Variants in PLA2G2C observed in about 807,000 individuals in gnomAD.
PLA2G2C encodes phospholipase A2 group IIC.
In PLA2G2C, 15 loss-of-function variants were observed where a neutral mutation model predicts 14.3. That is an observed-to-expected ratio of 1.05 (90% CI 0.70 to 1.62). The LOEUF (loss-of-function observed/expected upper bound fraction) is 1.62. PLA2G2C is among the 40% of genes most tolerant of loss of function. The pLI, the probability that PLA2G2C is intolerant of heterozygous loss-of-function variation, is 0.00. For synonymous variants in PLA2G2C, 79 were observed against 67.7 expected, an observed-to-expected ratio of 1.17 and a Z score of -0.82; for missense variants, 162 against 173.2, an observed-to-expected ratio of 0.94 and a Z score of 0.36.
Position 20,164,209 on chromosome 1 carries a change from G to A in PLA2G2C, c.284-52C>T, listed in dbSNP as rs1334985139. 8 of 1,566,606 alleles carry A rather than the reference G, an allele frequency of 5.1e-6. No homozygotes were observed. In the Admixed American group the frequency reaches 1.5e-4, roughly 29 times the overall value. Reference sequence around the variant, plus strand: ...GGCTCCCAGCCCAGCCCCAGGGTTTGGTTCTAAGGCTGGGGAGAACTGGGA... The same window carrying A: ...GGCTCCCAGCCCAGCCCCAGGGTTTAGTTCTAAGGCTGGGGAGAACTGGGA... On this transcript the variant is annotated intron_variant, in intron 4 of 4. Coordinates refer to ENST00000679259, the MANE Select transcript of PLA2G2C (RefSeq NM_001367969.2).
intron 4 of PLA2G2C, among the ~76,000 whole-genome samples, chr1:20,170,993 G>A (rs1206595415): frequency 7.1e-6 from 1 of 141,566 alleles, no homozygotes; most frequent in Admixed American, 6.9e-5. Flanking sequence ...TGGGCTGGGA[G>A]GGTGAAGAGC....
intron 4 of PLA2G2C, among the ~76,000 whole-genome samples, chr1:20,168,165 C>T (rs1049067968): frequency 3.9e-5 from 6 of 152,244 alleles, no homozygotes; most frequent in Non-Finnish European, 7.3e-5. Context: ...AAATATGCTG[C>T]TTCTGTGCTT....
intron 4 of PLA2G2C, among the ~76,000 whole-genome samples, chr1:20,164,552 G>A (rs573547597): frequency 6.6e-6 from 1 of 152,342 alleles, no homozygotes; most frequent in South Asian, 2.1e-4. Flanking sequence ...GGCGTGGGCT[G>A]CGTGGAGGGC....
chr1:20,172,636 C>G (rs913614433), intron 4 of PLA2G2C, among the ~76,000 whole-genome samples, 158 bp downstream of exon 4: 3 of 152,156 alleles, frequency 2.0e-5, no homozygotes, highest in African/African-American at 7.2e-5. Flanking sequence ...CACGGACACT[C>G]TGAGAAGCTC....
chr1:20,173,544 A>T (rs1314123104), intron 3 of PLA2G2C, among the ~76,000 whole-genome samples: 3 of 152,170 alleles, frequency 2.0e-5, no homozygotes, highest in Non-Finnish European at 2.9e-5. Context: ...CATTCATTTA[A>T]CACTTTTTAC....
At chr1:20,175,256 C>A in intron 2 of PLA2G2C, 111 bp from the exon 3 acceptor site, 2 of 1,513,778 alleles carry the variant, frequency 1.3e-6, no homozygotes, top group Non-Finnish European at 9.0e-7. Flanking sequence ...ATCACCAGAT[C>A]CCCAAAGCGA....
At chr1:20,171,811 G>C (rs1213289433) in intron 4 of PLA2G2C, among the ~76,000 whole-genome samples, 4 of 147,586 alleles carry the variant, frequency 2.7e-5, no homozygotes, top group Non-Finnish European at 6.0e-5. Context: ...GCCCAGGCGG[G>C]AGTGCAGTGG....
chr1:20,181,910 T>C (rs1569939897), intron 1 of PLA2G2C, among the ~76,000 whole-genome samples: 1 of 152,116 alleles, frequency 6.6e-6, no homozygotes, highest in African/African-American at 2.4e-5. Context: ...GGGGCCTATG[T>C]CAAAGAAGAG....
chr1:20,171,758 CTTTTTTTTTTT>C (rs10710359), intron 4 of PLA2G2C, among the ~76,000 whole-genome samples: 3 of 121,524 alleles, frequency 2.5e-5, no homozygotes, highest in East Asian at 2.8e-4. Context: ...GCCACTTCTT[CTTTTTTTTTTT>C]TTTTTTTTTT....
At chr1:20,164,365 C>T (rs960026304) in intron 4 of PLA2G2C, among the ~76,000 whole-genome samples, 2 of 151,958 alleles carry the variant, frequency 1.3e-5, no homozygotes, top group African/African-American at 2.4e-5. Flanking sequence ...TGTGCATCTG[C>T]GTGCATTTGT....
intron 4 of PLA2G2C, among the ~76,000 whole-genome samples, chr1:20,166,063 C>T (rs2017973127): frequency 6.6e-6 from 1 of 152,228 alleles, no homozygotes; most frequent in African/African-American, 2.4e-5. Context: ...CTGGTGTCTA[C>T]CGACAAGTGG....
At position 20,172,812 on chromosome 1, in the gene PLA2G2C, C is replaced by G. The variant is rs374046576; in HGVS notation, c.265G>C (p.Val89Leu). 1.2e-6 allele frequency: 2 copies of G among 1,613,556 alleles called. No homozygotes were observed. Among genetic ancestry groups the G allele is most frequent in the Admixed American group, 1.7e-5 (1 of 59,984 alleles). The change falls in exon 4 of 5, where the codon GTC becomes CTC. Residue 89 changes from valine to leucine, a missense_variant. Coordinates refer to ENST00000679259, the MANE Select transcript of PLA2G2C (RefSeq NM_001367969.2). ...TACTCACAAACCACTGCGCCATTGACGATGTGGAACTGGTAGCTGTTCAAC... is the reference window on the plus strand; with the variant it reads ...TACTCACAAACCACTGCGCCATTGAGGATGTGGAACTGGTAGCTGTTCAAC... ...PVLNSYQFHI[V>L]NGAVVCGCTL... is the part of the protein sequence containing the mutation.
At chr1:20,178,292 T>C (rs1015878209) in intron 1 of PLA2G2C, among the ~76,000 whole-genome samples, 1 of 152,156 alleles carries the variant, frequency 6.6e-6, no homozygotes, top group African/African-American at 2.4e-5. Context: ...GCCCCCATCA[T>C]AAATCAGGCT....
chr1:20,164,164 A>G lies in PLA2G2C; in HGVS notation c.284-7T>C. ...GGACCAAGGGTGCATCCACCTACAG[A>G]GACACAGAGGGTCACTGGGGGCTCC... On this transcript the variant is annotated splice_region_variant and splice_polypyrimidine_tract_variant and intron_variant, in intron 4 of 4. Coordinates refer to ENST00000679259, the MANE Select transcript of PLA2G2C (RefSeq NM_001367969.2). The G allele has an allele frequency of 6.2e-7, 1 of 1,610,222 alleles. No individual in the cohort carries two copies.
chr1:20,170,984 G>A (rs1484670327), intron 4 of PLA2G2C, among the ~76,000 whole-genome samples: 1 of 141,602 alleles, frequency 7.1e-6, no homozygotes, highest in African/African-American at 2.7e-5. Context: ...CTGGGGTCCT[G>A]GGCTGGGAGG....
At chr1:20,170,129 G>A (rs2018045540) in intron 4 of PLA2G2C, among the ~76,000 whole-genome samples, 1 of 152,218 alleles carries the variant, frequency 6.6e-6, no homozygotes, top group Non-Finnish European at 1.5e-5. Flanking sequence ...GCTCACCTCA[G>A]TGGTTTATCA....
intron 3 of PLA2G2C, among the ~76,000 whole-genome samples, chr1:20,174,087 C>G (rs536101500): frequency 6.6e-6 from 1 of 152,264 alleles, no homozygotes; most frequent in African/African-American, 2.4e-5. Flanking sequence ...GTTTGTATGC[C>G]AATCGCCAGT....
Position 20,163,846 on chromosome 1 carries a change from C to T in PLA2G2C, c.*145G>A. The T allele has an allele frequency of 3.3e-6, 3 of 916,486 alleles. No individual in the cohort carries two copies. Among genetic ancestry groups the T allele is most frequent in the Non-Finnish European group, 4.8e-6 (3 of 627,132 alleles). 56.8% of individuals were successfully genotyped at this position (916,486 alleles called of 1,614,324 possible). A position where few individuals can be genotyped will look rare whatever the true frequency, so the allele number is the denominator to read the frequency against. Reference sequence around the variant, plus strand: ...ACAGGGAGTCCCCTTGGTCAGAATGCTGAAGGGTGAGCTGCCCTGCGGGAG... The same window carrying T: ...ACAGGGAGTCCCCTTGGTCAGAATGTTGAAGGGTGAGCTGCCCTGCGGGAG... On this transcript the variant is annotated 3_prime_UTR_variant, in exon 5 of 5. Coordinates refer to ENST00000679259, the MANE Select transcript of PLA2G2C (RefSeq NM_001367969.2).
Position 20,172,834 on chromosome 1 carries a change from C to G in PLA2G2C, c.243G>C (p.Leu81Phe), listed in dbSNP as rs1269613242. 1.2e-6 allele frequency: 2 copies of G among 1,613,892 alleles called. No individual in the cohort carries two copies. The highest frequency in any genetic ancestry group is 1.7e-6 in the Non-Finnish European group (2 of 1,179,858). Residue 81 changes from leucine to phenylalanine, a missense_variant, in exon 4 of 5, where the codon TTG becomes TTC. Leu to Phe is a conservative substitution (Grantham distance 22, BLOSUM62 0). Transcript: ENST00000679259. ...KLKEFSCQPV[L>F]NSYQFHIVNG... Reference sequence around the variant, plus strand: ...TGACGATGTGGAACTGGTAGCTGTTCAACACAGGCTGGCAGCTGAACTCCT... The same window carrying G: ...TGACGATGTGGAACTGGTAGCTGTTGAACACAGGCTGGCAGCTGAACTCCT...
Sources: gnomAD v4.1 joint callset for allele counts (sites outside exome capture counted in the v4.1 genomes callset) on GRCh38, gnomAD v4.1.1 for gene constraint, MANE v1.5 for transcripts, NCBI Gene and HGNC (gene_info 2026-07-23, HGNC 2026-07-21) for gene names.